The following DGCR2 variants were observed in gnomAD, a reference collection of about 807,000 sequenced individuals.
DGCR2 encodes the protein integral membrane protein DGCR2/IDD.
Under a neutral mutation model 51.6 loss-of-function variants are expected in DGCR2, and 24 were observed. The observed-to-expected ratio is 0.47, with a 90% CI of 0.34 to 0.65. The LOEUF is 0.65. Among genes scored for constraint, DGCR2 ranks in the 30% least tolerant of loss-of-function variants. The pLI, the probability that DGCR2 is intolerant of heterozygous loss-of-function variation, is 0.01. For synonymous variants in DGCR2, 340 were observed against 315.4 expected (o/e 1.08, Z -0.82); for missense variants, 765 against 772.1 (o/e 0.99, Z 0.11).
intron 6 of DGCR2, among the ~76,000 whole-genome samples, 157 bp from the exon 7 acceptor site, chr22:19,048,800 T>C (rs574080624): frequency 1.1e-4 from 16 of 152,314 alleles, no homozygotes; most frequent in African/African-American, 3.6e-4. Flanking sequence ...AGGGGGCATG[T>C]GAGACATGCC....
chr22:19,079,667 G>A (rs1042279767), intron 2 of DGCR2, among the ~76,000 whole-genome samples: 3 of 152,200 alleles, frequency 2.0e-5, no homozygotes, highest in Non-Finnish European at 4.4e-5. Flanking sequence ...AACCCCAAGT[G>A]ACAGGCACTA....
chr22:19,066,405 GAAAAAAAACAAACAA>G (rs1446548571), intron 3 of DGCR2, among the ~76,000 whole-genome samples: 1 of 150,052 alleles, frequency 6.7e-6, no homozygotes, highest in African/African-American at 2.5e-5. Context: ...GACCCTGTCT[GAAAAAAAACAAACAA>G]AAAACAAACA....
intron 1 of DGCR2, among the ~76,000 whole-genome samples, chr22:19,103,708 G>A (rs1455685898): frequency 2.8e-5 from 4 of 141,650 alleles, no homozygotes; most frequent in Non-Finnish European, 4.5e-5. Flanking sequence ...GATTACAGGC[G>A]TGAGCCACCG....
At chr22:19,062,629 G>A (rs933070527) in intron 5 of DGCR2, among the ~76,000 whole-genome samples, 10 of 152,038 alleles carry the variant, frequency 6.6e-5, no homozygotes, top group East Asian at 1.9e-4. Context: ...GGAGGAGCTC[G>A]CCAGTGCCAG....
At chr22:19,114,234 A>C (rs1210180323) in intron 1 of DGCR2, among the ~76,000 whole-genome samples, 1 of 152,210 alleles carries the variant, frequency 6.6e-6, no homozygotes, top group East Asian at 1.9e-4. Context: ...ATTAAATAAA[A>C]AATATAATTC....
At chr22:19,122,022 C>G in intron 1 of DGCR2, 106 bp downstream of exon 1, 1 of 770,054 alleles carries the variant, frequency 1.3e-6, no homozygotes, top group South Asian at 5.4e-5. Flanking sequence ...GCCCCTGCCC[C>G]AGGCGCGGCC....
chr22:19,086,913 T>C (rs1246295811), intron 2 of DGCR2, among the ~76,000 whole-genome samples: 1 of 152,214 alleles, frequency 6.6e-6, no homozygotes, highest in Non-Finnish European at 1.5e-5. Flanking sequence ...ACTATGAGTG[T>C]GGATACCACT....
chr22:19,062,779 A>ATTTTCT, intron 5 of DGCR2, among the ~76,000 whole-genome samples: 1 of 127,354 alleles, frequency 7.9e-6, no homozygotes, highest in Admixed American at 7.8e-5. Context: ...ATGCATGCTC[A>ATTTTCT]CTCTCTCTCT....
At position 19,064,834 on chromosome 22, in the gene DGCR2, A is replaced by G; in HGVS notation, c.548+14T>C. The G allele has an allele frequency of 2.5e-6, 4 of 1,610,536 alleles. No homozygotes were observed. Among genetic ancestry groups the G allele is most frequent in the Non-Finnish European group, 3.4e-6 (4 of 1,177,894 alleles). On this transcript the variant is annotated intron_variant, in intron 4 of 9. Coordinates refer to ENST00000263196, the MANE Select transcript of DGCR2 (RefSeq NM_005137.3). ...TCTGACTCCAGCCCCTCAGGTCCCC[A>G]ATCCAGGACTCACTTGCGCTGGTCC...
intron 2 of DGCR2, among the ~76,000 whole-genome samples, chr22:19,071,306 C>G (rs886529034): frequency 6.6e-6 from 1 of 152,246 alleles, no homozygotes; most frequent in African/African-American, 2.4e-5. Flanking sequence ...GAAACAGAAT[C>G]AGGGAGAATA....
In DGCR2 at chr22:19,084,817, G is replaced by A. The variant is rs1042267535; in HGVS notation, c.202+4551C>T. Among the ~76,000 whole-genome samples, 9 of 137,890 alleles carry A rather than the reference G, an allele frequency of 6.5e-5. No homozygotes were observed. The South Asian group carries it at 7.2e-4, about 11-fold the overall frequency. 90.5% of individuals were successfully genotyped at this position (137,890 alleles called of 152,430 possible). ...CCGTCCGGGAAGGAGGTGGGGGGGC[G>A]CCTCCGCCCGGCCAGCCGCCCCGTC... On this transcript the variant is annotated intron_variant, in intron 2 of 9. Coordinates refer to ENST00000263196, the MANE Select transcript of DGCR2 (RefSeq NM_005137.3).
intron 1 of DGCR2, among the ~76,000 whole-genome samples, chr22:19,097,176 G>GCCTTA (rs2083150851): frequency 6.6e-6 from 1 of 151,702 alleles, no homozygotes; most frequent in African/African-American, 2.4e-5. Context: ...GCCTTGCCTT[G>GCCTTA]GCTGCTTCTA....
intron 5 of DGCR2, among the ~76,000 whole-genome samples, chr22:19,062,731 C>T (rs1437251726): frequency 6.7e-6 from 1 of 148,922 alleles, no homozygotes; most frequent in Non-Finnish European, 1.5e-5. Context: ...TTGGTATTTC[C>T]AAGCAGCTCC....
chr22:19,040,746 G>C (rs1287750281), intron 9 of DGCR2, among the ~76,000 whole-genome samples: 1 of 152,218 alleles, frequency 6.6e-6, no homozygotes, highest in Non-Finnish European at 1.5e-5. Context: ...GGGCTCCCCA[G>C]GTCTCTAGAG....
Position 19,068,212 on chromosome 22 carries a change from C to A in DGCR2, c.216G>T (p.Glu72Asp). 6.2e-7 allele frequency: 1 copy of A among 1,602,228 alleles called. No homozygotes were observed. Among genetic ancestry groups the A allele is most frequent in the Non-Finnish European group, 8.5e-7 (1 of 1,174,574 alleles). The change falls in exon 3 of 10, where the codon GAG becomes GAT. Residue 72 changes from glutamate to aspartate, a missense_variant. Transcript: ENST00000263196. The part of the protein sequence containing the change: ...DEANCPEVTG[E>D]VRPHHGKEAV... ...CCTCCTTCCCATGATGAGGACGCAC[C>A]TCCCCGGTCACTTCTGAAAGCAAAA... is the stretch of plus-strand genomic sequence containing the variant.
intron 1 of DGCR2, among the ~76,000 whole-genome samples, chr22:19,117,503 G>A (rs954039792): frequency 6.6e-6 from 1 of 152,268 alleles, no homozygotes; most frequent in African/African-American, 2.4e-5. Context: ...GGGGTTAAGT[G>A]GGAGCAGCCT....
intron 1 of DGCR2, among the ~76,000 whole-genome samples, chr22:19,102,182 T>C (rs111416349): frequency 0.037 from 5,567 of 151,998 alleles, 302 homozygotes; most frequent in African/African-American, 0.13. Context: ...AAGAGGCAAA[T>C]AGTATATGAT....
intron 1 of DGCR2, among the ~76,000 whole-genome samples, chr22:19,094,066 A>T (rs1447398848): frequency 6.6e-6 from 1 of 152,268 alleles, no homozygotes; most frequent in Non-Finnish European, 1.5e-5. Context: ...ACCAAGGAAG[A>T]TATATACAGA....
intron 1 of DGCR2, among the ~76,000 whole-genome samples, chr22:19,118,690 AG>A (rs1314324590): frequency 6.6e-6 from 1 of 152,272 alleles, no homozygotes; most frequent in Non-Finnish European, 1.5e-5. Context: ...AACAACCAGC[AG>A]GAAGGGACCA....
Sources: allele counts gnomAD v4.1 joint callset (sites outside exome capture counted in the v4.1 genomes callset), GRCh38; gene constraint gnomAD v4.1.1; transcripts MANE v1.5; gene names NCBI Gene and HGNC (gene_info 2026-07-23, HGNC 2026-07-21).